Variants in ACADL observed in about 807,000 individuals in gnomAD.
ACADL encodes the protein acyl-CoA dehydrogenase long chain, also known as long-chain specific acyl-CoA dehydrogenase, mitochondrial.
A neutral mutation model predicts 56.9 loss-of-function variants in ACADL; 60 were observed. The observed-to-expected ratio is 1.05, with a 90% confidence interval of 0.86 to 1.31. The LOEUF (loss-of-function observed/expected upper bound fraction) is 1.31. Among genes scored for constraint, ACADL ranks in the 50% most tolerant of loss-of-function variants. The pLI is 0.00. For missense variants in ACADL, 484 were observed against 525.5 expected, an observed-to-expected ratio of 0.92 and a Z score of 0.77; for synonymous variants, 158 against 179.7, an observed-to-expected ratio of 0.88 and a Z score of 0.97.
chr2:210,202,538 G>A (rs760761481), intron 8 of ACADL, among the ~76,000 whole-genome samples: 27 of 152,116 alleles, frequency 1.8e-4, no homozygotes, highest in South Asian at 6.2e-4. Flanking sequence ...TGATGGGAAG[G>A]CCTATCTTTC....
intron 8 of ACADL, 140 bp downstream of exon 8, chr2:210,203,191 C>G: frequency 1.5e-6 from 1 of 689,402 alleles, no homozygotes; most frequent in Non-Finnish European, 2.6e-6. Flanking sequence ...TCTCTACTAT[C>G]TCTCCTTAGT....
intron 4 of ACADL, among the ~76,000 whole-genome samples, chr2:210,212,155 A>T (rs1218777444): frequency 6.7e-6 from 1 of 148,722 alleles, no homozygotes. Flanking sequence ...TTTTTAAATC[A>T]CTCTCTGTAT....
At chr2:210,201,468 C>G (rs1421551492) in intron 8 of ACADL, among the ~76,000 whole-genome samples, 1 of 152,022 alleles carries the variant, frequency 6.6e-6, no homozygotes, top group African/African-American at 2.4e-5. Flanking sequence ...TACAATTTTG[C>G]AAATCAAATA....
chr2:210,225,119 G>A (rs1250437272), intron 1 of ACADL, 68 bp downstream of exon 1: 2 of 1,525,988 alleles, frequency 1.3e-6, no homozygotes, highest in African/African-American at 1.4e-5. Context: ...GCCAGCGACA[G>A]GAGTGACTCG....
At chr2:210,213,971 A>C (rs976236353) in intron 4 of ACADL, among the ~76,000 whole-genome samples, 3 of 152,150 alleles carry the variant, frequency 2.0e-5, no homozygotes. Context: ...GCTTGAGTCC[A>C]TGAGTTTCAG....
In ACADL at chr2:210,225,267, C is replaced by T; in HGVS notation, c.-4G>A. 1 of 1,555,468 alleles carries T rather than the reference C, an allele frequency of 6.4e-7. No homozygotes were observed. On this transcript the variant is annotated 5_prime_UTR_variant, in exon 1 of 11. Coordinates refer to ENST00000233710, the MANE Select transcript of ACADL (RefSeq NM_001608.4). ...CTCGGAGAAGGCGTGCGGCCATGTC[C>T]GAAACACAGGGGCGGCGGGGCGACG... is the stretch of plus-strand genomic sequence containing the variant.
intron 1 of ACADL, among the ~76,000 whole-genome samples, chr2:210,223,531 T>TTA (rs1689211976): frequency 1.3e-5 from 2 of 152,302 alleles, no homozygotes; most frequent in South Asian, 4.1e-4. Context: ...AAAAAAGCTG[T>TTA]TACAACAAAA....
At chr2:210,209,271 C>T (rs1030219339) in intron 5 of ACADL, among the ~76,000 whole-genome samples, 9 of 152,134 alleles carry the variant, frequency 5.9e-5, no homozygotes, top group African/African-American at 1.7e-4. Flanking sequence ...ATAAAATGAA[C>T]ATCTTTCCTT....
chr2:210,202,505 A>C (rs1455698854), intron 8 of ACADL, among the ~76,000 whole-genome samples: 1 of 152,128 alleles, frequency 6.6e-6, no homozygotes, highest in Non-Finnish European at 1.5e-5. Flanking sequence ...CTTCCTGTGC[A>C]AATGAAGGAA....
intron 8 of ACADL, among the ~76,000 whole-genome samples, chr2:210,198,435 C>G (rs999497117): frequency 1.3e-5 from 2 of 152,060 alleles, no homozygotes; most frequent in Non-Finnish European, 2.9e-5. Context: ...TTTTTTTCCT[C>G]TCTATTCCTC....
At chr2:210,195,599 A>G (rs895020023) in intron 8 of ACADL, among the ~76,000 whole-genome samples, 3 of 152,216 alleles carry the variant, frequency 2.0e-5, no homozygotes, top group African/African-American at 7.2e-5. Context: ...TTCAGATTGT[A>G]AAATTTAGAC....
intron 4 of ACADL, among the ~76,000 whole-genome samples, chr2:210,213,228 G>A (rs1399349996): frequency 6.6e-6 from 1 of 152,190 alleles, no homozygotes; most frequent in Admixed American, 6.5e-5. Context: ...AGCTGGGTGT[G>A]GTGGCTCATG....
At chr2:210,217,762 A>G (rs1689110554) in intron 3 of ACADL, 2 of 617,934 alleles carry the variant, frequency 3.2e-6, no homozygotes, top group Non-Finnish European at 2.7e-6. Flanking sequence ...TATTTCAGCA[A>G]CTTAAAAGGA....
rs574504324 is a variant in ACADL, at chr2:210,194,692, C to T, written c.1112+519G>A. 5.3e-5 allele frequency among the ~76,000 whole-genome samples: 8 copies of T among 152,212 alleles called. No individual in the cohort carries two copies. In the South Asian group the frequency reaches 1.7e-3, roughly 32 times the overall value. On this transcript the variant is annotated intron_variant, in intron 9 of 10. Transcript: ENST00000233710. ...AATTTTTTCTTAAAATTGGAAAGCA[C>T]CTTAAATAGAAAAATCCTGTCCAAC...
At chr2:210,223,627 C>A (rs1251213163) in intron 1 of ACADL, among the ~76,000 whole-genome samples, 1 of 152,174 alleles carries the variant, frequency 6.6e-6, no homozygotes, top group Non-Finnish European at 1.5e-5. Context: ...TCTTGCCATG[C>A]TTCAATCAAA....
chr2:210,204,537 A>C, intron 7 of ACADL, 44 bp downstream of exon 7: 1 of 1,355,576 alleles, frequency 7.4e-7, no homozygotes, highest in South Asian at 1.2e-5. Flanking sequence ...TTCTATTCCA[A>C]TTCATTATTC....
At chr2:210,201,005 A>G (rs1263863242) in intron 8 of ACADL, among the ~76,000 whole-genome samples, 1 of 152,170 alleles carries the variant, frequency 6.6e-6, no homozygotes, top group Non-Finnish European at 1.5e-5. Context: ...TCAAGCCTAA[A>G]CAGCCTAAAG....
Position 210,192,812 on chromosome 2 carries a change from T to C in ACADL, c.1191A>G (p.Pro397=), listed in dbSNP as rs544440334. The change falls in exon 10 of 11, where the codon CCA becomes CCG. Residue 397 remains proline, a synonymous_variant. Coordinates refer to ENST00000233710, the MANE Select transcript of ACADL (RefSeq NM_001608.4). ...CAGAAAACTATACTTACTTTGCAATTGGGTACTCCCACATGTATCCCCAAC... is the reference window on the plus strand; with the variant it reads ...CAGAAAACTATACTTACTTTGCAATCGGGTACTCCCACATGTATCCCCAAC... ...HGGWGYMWEY[P]IAKAYVDARV... is the part of the protein sequence containing the mutation. 423 of 1,612,718 alleles carry C rather than the reference T, an allele frequency of 2.6e-4. 5 individuals are homozygous for C. The South Asian group carries it at 4.4e-3, about 17-fold the overall frequency.
At chr2:210,196,254 A>G (rs1688708971) in intron 8 of ACADL, among the ~76,000 whole-genome samples, 1 of 92,300 alleles carries the variant, frequency 1.1e-5, no homozygotes, top group African/African-American at 4.2e-5. Context: ...CTGTGAGTCC[A>G]TTAAACCTCT....
Sources: gnomAD v4.1 joint callset for allele counts (sites outside exome capture counted in the v4.1 genomes callset) on GRCh38, gnomAD v4.1.1 for gene constraint, MANE v1.5 for transcripts, NCBI Gene and HGNC (gene_info 2026-07-23, HGNC 2026-07-21) for gene names.